The following NEDD4L variants were observed in gnomAD, a reference collection of about 807,000 sequenced individuals.
NEDD4L encodes the protein E3 ubiquitin-protein ligase NEDD4-like.
Under a neutral mutation model 148.9 loss-of-function variants are expected in NEDD4L, and 54 were observed. The ratio of observed to expected loss-of-function variants is 0.36; its 90% CI spans 0.29 to 0.45. NEDD4L has a LOEUF of 0.45. NEDD4L is among the 20% of genes least tolerant of loss of function. The probability of loss-of-function intolerance (pLI) is 1.00; values close to 1 mark genes in which losing one functional copy is unlikely to be tolerated. For synonymous variants in NEDD4L, 433 were observed against 440.7 expected, an observed-to-expected ratio of 0.98 and a Z score of 0.22; for missense variants, 856 against 1,233.8, an observed-to-expected ratio of 0.69 and a Z score of 4.59.
At chr18:58,375,900 G>T (rs2047500659) in intron 24 of NEDD4L, among the ~76,000 whole-genome samples, 1 of 152,150 alleles carries the variant, frequency 6.6e-6, no homozygotes, top group Admixed American at 6.5e-5. Context: ...CTATTGAAGG[G>T]TCTTAAACTG....
chr18:58,345,107 T>C (rs1395681798), intron 16 of NEDD4L, among the ~76,000 whole-genome samples: 3 of 152,256 alleles, frequency 2.0e-5, no homozygotes, highest in African/African-American at 4.8e-5. Context: ...ATACTTGTTA[T>C]TGACTAATTT....
At chr18:58,347,632 C>A in intron 16 of NEDD4L, among the ~76,000 whole-genome samples, 1 of 152,118 alleles carries the variant, frequency 6.6e-6, no homozygotes, top group East Asian at 1.9e-4. Flanking sequence ...TTATTTTGTG[C>A]CTCTGCTTAG....
intron 1 of NEDD4L, among the ~76,000 whole-genome samples, chr18:58,139,271 T>G (rs2033214629): frequency 1.3e-5 from 2 of 152,098 alleles, no homozygotes; most frequent in Admixed American, 6.5e-5. Flanking sequence ...CCTTATTATC[T>G]GTCTCTTCCC....
chr18:58,340,070 C>T (rs190503590), intron 13 of NEDD4L, among the ~76,000 whole-genome samples: 2 of 152,282 alleles, frequency 1.3e-5, no homozygotes, highest in Admixed American at 1.3e-4. Context: ...TAGCTGTGGT[C>T]GGCTTCTGGT....
rs560493991 is a variant in NEDD4L, at chr18:58,219,062, G to C, written c.123-26365G>C. Among the ~76,000 whole-genome samples, 32 of 152,242 alleles carry C rather than the reference G, an allele frequency of 2.1e-4. 1 individual carries two copies. Among genetic ancestry groups the C allele is most frequent in the African/African-American group, 6.5e-4 (27 of 41,554 alleles). ...CTAAGACTTCCAGCATTCCCTCCAG[G>C]CTTAACATTTTTTCATTTGGTGCTG... On this transcript the variant is annotated intron_variant, in intron 2 of 30. Coordinates refer to ENST00000400345, the MANE Select transcript of NEDD4L (RefSeq NM_001144967.3).
intron 2 of NEDD4L, among the ~76,000 whole-genome samples, chr18:58,206,926 C>A (rs1052099356): frequency 1.3e-5 from 2 of 152,176 alleles, no homozygotes; most frequent in Non-Finnish European, 2.9e-5. Context: ...GAATAAGGGA[C>A]GATCCAAAGG....
At chr18:58,178,351 G>C (rs192383339) in intron 2 of NEDD4L, among the ~76,000 whole-genome samples, 3 of 152,130 alleles carry the variant, frequency 2.0e-5, no homozygotes, top group Non-Finnish European at 4.4e-5. Flanking sequence ...AAAATACAGC[G>C]TATGAAGCTT....
rs554500601 is a variant in NEDD4L at position 58,312,720 on chromosome 18, C to T, written c.298-3262C>T. On this transcript the variant is annotated intron_variant, in intron 5 of 30. Coordinates refer to ENST00000400345, the MANE Select transcript of NEDD4L (RefSeq NM_001144967.3). ...TTTGAGATGGAGTCTTGCCCTGTCTCCCAGACTGGAGTGCAAGTGACATGA... is the reference window on the plus strand; with the variant it reads ...TTTGAGATGGAGTCTTGCCCTGTCTTCCAGACTGGAGTGCAAGTGACATGA... Among the ~76,000 whole-genome samples the T allele has an allele frequency of 1.6e-4, 25 of 152,314 alleles. No individual in the cohort carries two copies. In the South Asian group the frequency reaches 5.0e-3, roughly 30 times the overall value.
chr18:58,045,107 C>G (rs2081515045), intron 1 of NEDD4L: 3 of 399,460 alleles, frequency 7.5e-6, no homozygotes, highest in Admixed American at 4.4e-5. Flanking sequence ...GTCTGGGTCG[C>G]GCGGCTGGAG....
At chr18:58,182,471 G>T (rs2038967265) in intron 2 of NEDD4L, among the ~76,000 whole-genome samples, 1 of 148,100 alleles carries the variant, frequency 6.8e-6, no homozygotes, top group African/African-American at 2.5e-5. Context: ...TGTTAGGACA[G>T]TTCCTGCAGC....
intron 5 of NEDD4L, among the ~76,000 whole-genome samples, chr18:58,281,805 C>T (rs2053154507): frequency 6.6e-6 from 1 of 151,922 alleles, no homozygotes; most frequent in South Asian, 2.1e-4. Context: ...ACGGGCGGAT[C>T]ACGAGGTCAG....
chr18:58,317,022 T>C (rs1460432821), intron 6 of NEDD4L, among the ~76,000 whole-genome samples: 1 of 152,248 alleles, frequency 6.6e-6, no homozygotes, highest in Non-Finnish European at 1.5e-5. Context: ...TATGGCTGTT[T>C]CCATATGTTA....
chr18:58,335,778 T>C, intron 13 of NEDD4L: 1 of 402,412 alleles, frequency 2.5e-6, no homozygotes, highest in Non-Finnish European at 4.6e-6. Flanking sequence ...TTTGGTTAAG[T>C]GCATTTAACT....
At chr18:58,159,957 C>T (rs2035992024) in intron 1 of NEDD4L, among the ~76,000 whole-genome samples, 1 of 152,202 alleles carries the variant, frequency 6.6e-6, no homozygotes, top group African/African-American at 2.4e-5. Flanking sequence ...GTCACAGTGG[C>T]TCCCTGTGCA....
chr18:58,197,061 T>G (rs1186920501), intron 2 of NEDD4L, among the ~76,000 whole-genome samples: 1 of 152,162 alleles, frequency 6.6e-6, no homozygotes, highest in Non-Finnish European at 1.5e-5. Flanking sequence ...CCTGTTTGCT[T>G]GATGGCGACT....
chr18:58,205,277 A>G (rs1354098247), intron 2 of NEDD4L, among the ~76,000 whole-genome samples: 1 of 152,224 alleles, frequency 6.6e-6, no homozygotes, highest in African/African-American at 2.4e-5. Context: ...TGAGCAGTAA[A>G]GCCATGAGCT....
intron 5 of NEDD4L, among the ~76,000 whole-genome samples, chr18:58,295,887 TA>T (rs1380461607): frequency 3.9e-5 from 6 of 151,984 alleles, no homozygotes; most frequent in Non-Finnish European, 5.9e-5. Context: ...GGGGGGTGGT[TA>T]GGGGCGACAG....
chr18:58,350,901 G>A (rs2043795228), intron 17 of NEDD4L, 90 bp from the exon 18 acceptor site: 1 of 928,994 alleles, frequency 1.1e-6, no homozygotes, highest in Admixed American at 2.1e-5. Context: ...GAGTACAGAG[G>A]TGTTCTATAG....
chr18:58,137,595 AC>A (rs2032992382), intron 1 of NEDD4L, among the ~76,000 whole-genome samples: 1 of 152,106 alleles, frequency 6.6e-6, no homozygotes, highest in Non-Finnish European at 1.5e-5. Flanking sequence ...AGCCGCTTCC[AC>A]CTCTTTTGAC....
Sources: gnomAD v4.1 joint callset for allele counts (sites outside exome capture counted in the v4.1 genomes callset) on GRCh38, gnomAD v4.1.1 for gene constraint, MANE v1.5 for transcripts, NCBI Gene and HGNC (gene_info 2026-07-23, HGNC 2026-07-21) for gene names.